Variants in EHHADH observed in about 807,000 individuals in gnomAD.
EHHADH encodes enoyl-CoA hydratase and 3-hydroxyacyl CoA dehydrogenase.
A neutral mutation model predicts 64.4 loss-of-function variants in EHHADH; 48 were observed. The observed-to-expected ratio is 0.75, with a 90% CI of 0.59 to 0.95. EHHADH has a LOEUF of 0.95. Ranked by LOEUF, EHHADH falls within the 40% of genes least tolerant of loss-of-function variation. EHHADH has a pLI of 0.00. For missense variants in EHHADH, 854 were observed against 876.6 expected (o/e 0.97, Z 0.33); for synonymous variants, 308 against 326.7 (o/e 0.94, Z 0.62).
chr3:185,238,024 A>G (rs983592344), intron 2 of EHHADH, among the ~76,000 whole-genome samples: 1 of 152,056 alleles, frequency 6.6e-6, no homozygotes, highest in African/African-American at 2.4e-5. Context: ...GCTCCCACTT[A>G]TAAGTGAGAA....
chr3:185,228,279 T>TATATATAA (rs1560016901), intron 4 of EHHADH, among the ~76,000 whole-genome samples: 1 of 23,598 alleles, frequency 4.2e-5, no homozygotes, highest in South Asian at 1.4e-3. Context: ...TATATATATA[T>TATATATAA]GGAGAGAGAG....
rs201295952 is a variant in EHHADH, at chr3:185,193,019, A to C, written c.1379T>G (p.Met460Arg). The C allele has an allele frequency of 2.5e-6, 4 of 1,614,140 alleles. No homozygotes were observed. Among genetic ancestry groups the C allele is most frequent in the African/African-American group, 2.7e-5 (2 of 74,952 alleles). ...YSSPTTIATV[M>R]NLSKKIKKIG... Reference sequence around the variant, plus strand: ...CTTTTTAATCTTTTTTGATAAGTTCATAACAGTGGCAATGGTAGTGGGGGA... The same window carrying C: ...CTTTTTAATCTTTTTTGATAAGTTCCTAACAGTGGCAATGGTAGTGGGGGA... Residue 460 changes from methionine (M) to arginine (R), a missense_variant, in exon 7 of 7, where the codon ATG becomes AGG. Met to Arg is a moderately conservative substitution (Grantham distance 91, BLOSUM62 -1). Transcript: ENST00000231887.
intron 6 of EHHADH, among the ~76,000 whole-genome samples, chr3:185,198,850 C>CA (rs201321307): frequency 0.12 from 15,737 of 133,176 alleles, 1,811 homozygotes; most frequent in African/African-American, 0.3. Context: ...ACCCTGTCTT[C>CA]AAAAAAAAAA....
At chr3:185,223,115 C>T (rs1402674810) in intron 4 of EHHADH, among the ~76,000 whole-genome samples, 1 of 151,964 alleles carries the variant, frequency 6.6e-6, no homozygotes, top group Admixed American at 6.6e-5. Context: ...TTGCCTTGTG[C>T]TTTGGGAGCA....
At position 185,191,460 on chromosome 3, in the gene EHHADH, GAAGAA is replaced by G. The variant is rs988594314; in HGVS notation, c.*761_*765del. ...CTACACAAGGCAAAAAGTAAAAAGA[GAAGAA>G]CTCTTACAACAAAATCATACAAAAT... is the stretch of plus-strand genomic sequence containing the variant. On this transcript the variant is annotated 3_prime_UTR_variant, in exon 7 of 7. Coordinates refer to ENST00000231887, the MANE Select transcript of EHHADH (RefSeq NM_001966.4). 6 of 151,872 alleles carry G rather than the reference GAAGAA, an allele frequency of 4.0e-5. No homozygotes were observed. Among genetic ancestry groups the G allele is most frequent in the African/African-American group, 1.5e-4 (6 of 41,166 alleles). 9.4% of individuals were successfully genotyped at this position (151,872 alleles called of 1,614,324 possible).
At chr3:185,195,246 T>C (rs1452165462) in intron 6 of EHHADH, among the ~76,000 whole-genome samples, 4 of 152,088 alleles carry the variant, frequency 2.6e-5, no homozygotes, top group Admixed American at 2.6e-4. Context: ...AATAATCACA[T>C]GAAAAAGTGT....
chr3:185,210,634 CAAAAA>C (rs34709334), intron 5 of EHHADH, among the ~76,000 whole-genome samples: 5 of 83,244 alleles, frequency 6.0e-5, no homozygotes, highest in Admixed American at 2.5e-4. Context: ...GACTCTGTCT[CAAAAA>C]AAAAAAAAAA....
intron 6 of EHHADH, among the ~76,000 whole-genome samples, chr3:185,200,502 C>T (rs557002985): frequency 1.4e-4 from 21 of 152,288 alleles, no homozygotes; most frequent in Non-Finnish European, 2.1e-4. Flanking sequence ...AACTTTTCTA[C>T]ATTAAAAGGT....
At chr3:185,207,158 C>T (rs1274323136) in intron 5 of EHHADH, among the ~76,000 whole-genome samples, 3 of 151,816 alleles carry the variant, frequency 2.0e-5, no homozygotes, top group Non-Finnish European at 2.9e-5. Context: ...GGCATGGTGG[C>T]GCACCCCTGT....
intron 2 of EHHADH, among the ~76,000 whole-genome samples, chr3:185,239,666 TAA>T (rs1266874447): frequency 6.6e-6 from 1 of 152,146 alleles, no homozygotes; most frequent in Non-Finnish European, 1.5e-5. Context: ...TTATCAAGTG[TAA>T]GAGTCTTTTG....
chr3:185,224,425 C>T (rs1193562145), intron 4 of EHHADH, among the ~76,000 whole-genome samples: 4 of 142,846 alleles, frequency 2.8e-5, no homozygotes, highest in Non-Finnish European at 3.0e-5. Context: ...CACTTGAACC[C>T]GGGAGGTGGA....
At chr3:185,225,382 T>A (rs913763828) in intron 4 of EHHADH, among the ~76,000 whole-genome samples, 1 of 152,178 alleles carries the variant, frequency 6.6e-6, no homozygotes, top group Non-Finnish European at 1.5e-5. Flanking sequence ...GTATCTGCTC[T>A]GTCACAAAAT....
In EHHADH at chr3:185,192,561, T is replaced by C. The variant is rs1456127894; in HGVS notation, c.1837A>G (p.Thr613Ala). 1 of 1,614,230 alleles carries C rather than the reference T, an allele frequency of 6.2e-7. No homozygotes were observed. The highest frequency in any genetic ancestry group is 1.7e-5 in the Admixed American group (1 of 60,026). The change falls in exon 7 of 7, where the codon ACC (threonine) becomes GCC (alanine). Residue 613 changes from threonine (T) to alanine (A), a missense_variant. Transcript: ENST00000231887. ...YRKTHHIEPR[T>A]ISQDEILERC... ...TCAAGGATCTCATCCTGGCTAATGGTACGTGGTTCAATGTGATGGGTTTTT... is the reference window on the plus strand; with the variant it reads ...TCAAGGATCTCATCCTGGCTAATGGCACGTGGTTCAATGTGATGGGTTTTT...
intron 4 of EHHADH, among the ~76,000 whole-genome samples, chr3:185,225,378 G>T (rs999853957): frequency 2.0e-5 from 3 of 151,878 alleles, no homozygotes; most frequent in African/African-American, 7.3e-5. Flanking sequence ...TCTCGTATCT[G>T]CTCTGTCACA....
intron 2 of EHHADH, among the ~76,000 whole-genome samples, chr3:185,245,160 C>A (rs1719562126): frequency 6.6e-6 from 1 of 152,004 alleles, no homozygotes; most frequent in Admixed American, 6.6e-5. Context: ...CATTATCTTT[C>A]TTTTTTCACT....
intron 1 of EHHADH, chr3:185,253,276 T>A (rs1314133790): frequency 1.3e-5 from 2 of 149,642 alleles, no homozygotes; most frequent in African/African-American, 4.9e-5. Context: ...TGCCAGTGAT[T>A]GCCCTATTCC....
At chr3:185,218,263 T>TAAAATCAAATAAACAAC in intron 4 of EHHADH, 23 bp from the exon 5 acceptor site, 1 of 1,523,872 alleles carries the variant, frequency 6.6e-7, no homozygotes, top group Non-Finnish European at 9.0e-7. Flanking sequence ...ACAACAACAA[T>TAAAATCAAATAAACAAC]AACAACAAAT....
chr3:185,241,007 C>T (rs2108649557), intron 2 of EHHADH, among the ~76,000 whole-genome samples: 1 of 150,632 alleles, frequency 6.6e-6, no homozygotes, highest in East Asian at 2.0e-4. Flanking sequence ...CATTCTTATG[C>T]CTTTGCATCC....
rs756064529 is a variant in EHHADH, at chr3:185,218,123, A to G, written c.568+13T>C. On this transcript the variant is annotated intron_variant, in intron 5 of 6. Transcript: ENST00000231887. ...TTTACAGTCTTTGGCTATTTTTATT[A>G]TTATCTTCTTACCTGAAACTCTCTG... 70 of 1,574,284 alleles carry G rather than the reference A, an allele frequency of 4.4e-5. No homozygotes were observed. Among genetic ancestry groups the G allele is most frequent in the Non-Finnish European group, 5.5e-5 (63 of 1,154,076 alleles).
Sources: allele counts gnomAD v4.1 joint callset (sites outside exome capture counted in the v4.1 genomes callset), GRCh38; gene constraint gnomAD v4.1.1; transcripts MANE v1.5; gene names NCBI Gene and HGNC (gene_info 2026-07-23, HGNC 2026-07-21).